The following CSMD3 variants were observed in gnomAD, a reference collection of about 807,000 sequenced individuals.
The protein encoded by CSMD3 is CUB and sushi domain-containing protein 3.
CSMD3 carries 177 observed loss-of-function variants against 435.2 expected under a neutral mutation model. That is an observed-to-expected ratio of 0.41 (90% CI 0.36 to 0.46). The LOEUF is 0.46. Among genes scored for constraint, CSMD3 ranks in the 20% least tolerant of loss-of-function variants. The pLI is 0.34. For synonymous variants in CSMD3, 1,656 were observed against 1,520.5 expected (o/e 1.09, Z -2.07); for missense variants, 4,265 against 4,504.6 (o/e 0.95, Z 1.52).
At chr8:113,366,978 T>C (rs1415543757) in intron 1 of CSMD3, among the ~76,000 whole-genome samples, 1 of 152,042 alleles carries the variant, frequency 6.6e-6, no homozygotes, top group Non-Finnish European at 1.5e-5. Flanking sequence ...CCCTTTAAAC[T>C]AAGTTTTTAA....
intron 59 of CSMD3, among the ~76,000 whole-genome samples, chr8:112,267,487 T>G (rs1186636570): frequency 6.6e-6 from 1 of 152,142 alleles, no homozygotes; most frequent in African/African-American, 2.4e-5. Context: ...TTTAAAAATT[T>G]ACAAGAATGT....
chr8:113,391,244 G>A (rs923776449), intron 1 of CSMD3, among the ~76,000 whole-genome samples: 2 of 151,960 alleles, frequency 1.3e-5, no homozygotes, highest in Non-Finnish European at 2.9e-5. Flanking sequence ...CCTAGATGGA[G>A]GAACTAAGAA....
At chr8:112,497,780 A>G (rs1821512723) in intron 30 of CSMD3, among the ~76,000 whole-genome samples, 1 of 152,078 alleles carries the variant, frequency 6.6e-6, no homozygotes, top group Non-Finnish European at 1.5e-5. Context: ...AAACTGGACA[A>G]TTACAGAGGA....
chr8:112,868,718 G>C (rs960940528), intron 10 of CSMD3, among the ~76,000 whole-genome samples: 4 of 152,116 alleles, frequency 2.6e-5, no homozygotes, highest in African/African-American at 9.7e-5. Context: ...TAAATATATA[G>C]TCAACTAACC....
At chr8:112,365,457 G>T (rs989931956) in intron 38 of CSMD3, among the ~76,000 whole-genome samples, 3 of 137,454 alleles carry the variant, frequency 2.2e-5, no homozygotes, top group African/African-American at 5.4e-5. Context: ...AAAAAATTAC[G>T]CATAGATTTC....
At chr8:113,410,405 A>G (rs143559736) in intron 1 of CSMD3, among the ~76,000 whole-genome samples, 1 of 152,286 alleles carries the variant, frequency 6.6e-6, no homozygotes, top group East Asian at 1.9e-4. Context: ...CCAAAATCCA[A>G]TAATCTTTTC....
chr8:113,153,160 AAGG>A lies in CSMD3; in HGVS notation c.709+20559_709+20561del, dbSNP rs1250486241. Among the ~76,000 whole-genome samples, 5 of 143,852 alleles carry A rather than the reference AAGG, an allele frequency of 3.5e-5. No individual in the cohort carries two copies. The East Asian group carries it at 8.7e-4, about 25-fold the overall frequency. The allele number at this position is 143,852 out of a possible 152,430, so 94.4% of individuals were successfully genotyped here. On this transcript the variant is annotated intron_variant, in intron 4 of 70. Transcript: ENST00000297405. ...GAAGGAAGGAAGGAAGGAAGGAAGG[AAGG>A]AAGGAAGGAAAGAAGGAAGGGAGGG...
At chr8:112,430,994 C>T (rs1213870157) in intron 32 of CSMD3, among the ~76,000 whole-genome samples, 1 of 151,874 alleles carries the variant, frequency 6.6e-6, no homozygotes, top group Non-Finnish European at 1.5e-5. Flanking sequence ...ATTTAATGCT[C>T]TGACTAGTTG....
intron 10 of CSMD3, among the ~76,000 whole-genome samples, chr8:112,865,360 C>T (rs907501299): frequency 6.6e-6 from 1 of 152,058 alleles, no homozygotes; most frequent in Non-Finnish European, 1.5e-5. Context: ...ATTGTTGTCT[C>T]TCGGTCCACT....
intron 5 of CSMD3, among the ~76,000 whole-genome samples, chr8:113,024,023 C>T (rs1435769967): frequency 6.6e-6 from 1 of 152,076 alleles, no homozygotes; most frequent in African/African-American, 2.4e-5. Flanking sequence ...GGTACTTATT[C>T]TGCCTTTCTA....
chr8:112,436,136 A>T (rs1289534290), intron 32 of CSMD3, among the ~76,000 whole-genome samples: 1 of 151,936 alleles, frequency 6.6e-6, no homozygotes, highest in Non-Finnish European at 1.5e-5. Context: ...CCCAGAGAAG[A>T]TTAGTTACAA....
At chr8:112,340,408 T>C (rs1824981362) in intron 42 of CSMD3, among the ~76,000 whole-genome samples, 1 of 152,178 alleles carries the variant, frequency 6.6e-6, no homozygotes, top group African/African-American at 2.4e-5. Context: ...TAATTTGATG[T>C]TTAAGACCTA....
At chr8:112,755,923 T>A (rs993471880) in intron 13 of CSMD3, among the ~76,000 whole-genome samples, 3 of 151,450 alleles carry the variant, frequency 2.0e-5, no homozygotes, top group Non-Finnish European at 4.4e-5. Context: ...TATTTTATTT[T>A]ATTTTATTTT....
rs77976788 is a variant in CSMD3, at chr8:113,245,220, T to C, written c.514+33372A>G. ...AACGTACATTCGGCCAATGTTTGCC[T>C]CTTGATTGAAATGTTGGAGTGTTTA... On this transcript the variant is annotated intron_variant, in intron 3 of 70. Transcript: ENST00000297405. Among the ~76,000 whole-genome samples, 53 of 152,198 alleles carry C rather than the reference T, an allele frequency of 3.5e-4. 2 individuals are homozygous for C. The East Asian group carries it at 0.01, about 29-fold the overall frequency.
At chr8:112,710,518 C>T (rs1225644721) in intron 13 of CSMD3, among the ~76,000 whole-genome samples, 1 of 152,000 alleles carries the variant, frequency 6.6e-6, no homozygotes, top group Non-Finnish European at 1.5e-5. Context: ...ACGCCAGTCA[C>T]ATATAGAAAT....
intron 8 of CSMD3, among the ~76,000 whole-genome samples, chr8:112,950,996 C>T (rs149768899): frequency 7.9e-5 from 12 of 151,948 alleles, no homozygotes; most frequent in Non-Finnish European, 1.8e-4. Context: ...CATTTCTGGA[C>T]ATCTGCAAGA....
At chr8:113,077,839 G>A (rs1230623349) in intron 5 of CSMD3, among the ~76,000 whole-genome samples, 3 of 152,104 alleles carry the variant, frequency 2.0e-5, no homozygotes, top group Non-Finnish European at 4.4e-5. Context: ...TAATGAAACA[G>A]TATGAAAATG....
intron 13 of CSMD3, among the ~76,000 whole-genome samples, chr8:112,737,189 A>G (rs1055169662): frequency 5.9e-5 from 9 of 151,908 alleles, no homozygotes; most frequent in African/African-American, 2.2e-4. Context: ...ATTATAGATA[A>G]AAGAATACAA....
chr8:112,336,638 T>C lies in CSMD3; in HGVS notation c.7019+14A>G. ...ATATAATTGAATAAATCAATAACAATAGTCCTGACTTACCATACAGTAATG... is the reference window on the plus strand; with the variant it reads ...ATATAATTGAATAAATCAATAACAACAGTCCTGACTTACCATACAGTAATG... On this transcript the variant is annotated intron_variant, in intron 44 of 70. Transcript: ENST00000297405. 1.3e-6 allele frequency: 2 copies of C among 1,570,898 alleles called. No homozygotes were observed. The highest frequency in any genetic ancestry group is 1.8e-6 in the Non-Finnish European group (2 of 1,141,046).
Sources: gnomAD v4.1 joint callset for allele counts (sites outside exome capture counted in the v4.1 genomes callset) on GRCh38, gnomAD v4.1.1 for gene constraint, MANE v1.5 for transcripts, NCBI Gene and HGNC (gene_info 2026-07-23, HGNC 2026-07-21) for gene names.